Variants in GALNT10 observed in about 807,000 individuals in gnomAD.
GALNT10 encodes polypeptide N-acetylgalactosaminyltransferase 10.
In GALNT10, 41 loss-of-function variants were observed where a neutral mutation model predicts 75.0. That is an observed-to-expected ratio of 0.55 (90% confidence interval 0.43 to 0.71). GALNT10 has a LOEUF of 0.71. Ranked by LOEUF, GALNT10 falls within the 30% of genes least tolerant of loss-of-function variation. GALNT10 has a pLI of 0.00. For missense variants in GALNT10, 727 were observed against 818.5 expected, an observed-to-expected ratio of 0.89 and a Z score of 1.36; for synonymous variants, 302 against 313.0, an observed-to-expected ratio of 0.96 and a Z score of 0.37.
chr5:154,415,053 G>A (rs181828473), intron 10 of GALNT10, among the ~76,000 whole-genome samples: 2 of 152,278 alleles, frequency 1.3e-5, no homozygotes, highest in African/African-American at 4.8e-5. Flanking sequence ...AACCCAGGAG[G>A]TGGAGGTTGC....
At chr5:154,248,461 A>G (rs1753466087) in intron 1 of GALNT10, among the ~76,000 whole-genome samples, 1 of 152,104 alleles carries the variant, frequency 6.6e-6, no homozygotes, top group African/African-American at 2.4e-5. Flanking sequence ...TTGGTTGGTA[A>G]GCTATTAATT....
intron 4 of GALNT10, among the ~76,000 whole-genome samples, chr5:154,373,486 G>A (rs1247405877): frequency 1.3e-5 from 2 of 152,092 alleles, no homozygotes; most frequent in Non-Finnish European, 1.5e-5. Flanking sequence ...TGAGCAGCTC[G>A]TATCATCCAC....
At chr5:154,293,625 C>CTTTTTTTTTTTTTTTTTTTTTTTT (rs1320287927) in intron 1 of GALNT10, among the ~76,000 whole-genome samples, 3 of 128,076 alleles carry the variant, frequency 2.3e-5, no homozygotes, top group African/African-American at 3.1e-5. Context: ...TTTTTTTTTC[C>CTTTTTTTTTTTTTTTTTTTTTTTT]TTTCAGCCAT....
At chr5:154,223,444 A>G (rs758858512) in intron 1 of GALNT10, among the ~76,000 whole-genome samples, 1 of 152,212 alleles carries the variant, frequency 6.6e-6, no homozygotes. Flanking sequence ...TTGCCTCTCT[A>G]GTATAAGGTA....
intron 4 of GALNT10, among the ~76,000 whole-genome samples, chr5:154,347,417 G>A (rs1755145679): frequency 6.6e-6 from 1 of 151,282 alleles, no homozygotes; most frequent in Non-Finnish European, 1.5e-5. Context: ...AGGTTGAAGT[G>A]CAATGATGCA....
intron 1 of GALNT10, among the ~76,000 whole-genome samples, chr5:154,212,362 A>G (rs1317639307): frequency 6.6e-6 from 1 of 152,244 alleles, no homozygotes; most frequent in Admixed American, 6.5e-5. Flanking sequence ...CTACCATGAC[A>G]GGCACTGCGC....
chr5:154,244,715 G>A (rs763919002), intron 1 of GALNT10, among the ~76,000 whole-genome samples: 11 of 152,248 alleles, frequency 7.2e-5, no homozygotes, highest in Non-Finnish European at 1.3e-4. Context: ...GAGAAGCAAA[G>A]GCAGCAGCCA....
chr5:154,353,699 T>C (rs965506716), intron 4 of GALNT10, among the ~76,000 whole-genome samples: 1 of 152,224 alleles, frequency 6.6e-6, no homozygotes, highest in Non-Finnish European at 1.5e-5. Context: ...TGTGAGAGAA[T>C]AGGCAACAGG....
Position 154,341,848 on chromosome 5 carries a change from C to T in GALNT10, c.568+12110C>T, listed in dbSNP as rs972499575. The stretch of plus-strand genomic sequence containing the variant: ...CTTTAGGCTGCAGGGGGATGGAGAA[C>T]GTAGTCAGGATGCCAGCTGGGTCCT... On this transcript the variant is annotated intron_variant, in intron 4 of 11. Transcript: ENST00000297107. Among the ~76,000 whole-genome samples, 17 of 152,288 alleles carry T rather than the reference C, an allele frequency of 1.1e-4. No homozygotes were observed. The South Asian group carries it at 2.1e-3, about 19-fold the overall frequency.
chr5:154,256,366 T>TAA (rs1484433826), intron 1 of GALNT10, among the ~76,000 whole-genome samples: 1 of 150,784 alleles, frequency 6.6e-6, no homozygotes, highest in South Asian at 2.1e-4. Flanking sequence ...TTTTTTTTTT[T>TAA]AATATTGTGT....
intron 1 of GALNT10, among the ~76,000 whole-genome samples, chr5:154,273,764 T>C (rs938663669): frequency 1.3e-5 from 2 of 152,268 alleles, no homozygotes; most frequent in Non-Finnish European, 2.9e-5. Flanking sequence ...TTATAGGGTT[T>C]TTGGCATTTT....
intron 1 of GALNT10, among the ~76,000 whole-genome samples, chr5:154,269,985 C>T (rs945209290): frequency 2.7e-5 from 4 of 149,264 alleles, no homozygotes; most frequent in South Asian, 2.1e-4. Flanking sequence ...CCCACAACCT[C>T]GGGTCCAGAG....
intron 6 of GALNT10, among the ~76,000 whole-genome samples, chr5:154,381,839 A>T (rs6866057): frequency 0.15 from 22,798 of 151,852 alleles, 1,837 homozygotes; most frequent in East Asian, 0.25. Flanking sequence ...TCTCCTTCTG[A>T]CTCTGACTTT....
chr5:154,266,315 T>C (rs1753774191), intron 1 of GALNT10, among the ~76,000 whole-genome samples: 4 of 152,114 alleles, frequency 2.6e-5, no homozygotes, highest in Admixed American at 2.0e-4. Flanking sequence ...GGCACATGCA[T>C]TGAAACAAGA....
intron 1 of GALNT10, among the ~76,000 whole-genome samples, chr5:154,197,218 C>G (rs371476484): frequency 6.6e-6 from 1 of 152,158 alleles, no homozygotes; most frequent in Non-Finnish European, 1.5e-5. Context: ...CTTACTTACC[C>G]GTTCTGCCGC....
At chr5:154,267,624 T>C (rs1362913482) in intron 1 of GALNT10, among the ~76,000 whole-genome samples, 7 of 152,204 alleles carry the variant, frequency 4.6e-5, no homozygotes, top group African/African-American at 1.7e-4. Context: ...TGTGTAAGCC[T>C]GGCAGGATGT....
chr5:154,357,394 C>G (rs1755312467), intron 4 of GALNT10, among the ~76,000 whole-genome samples: 1 of 152,092 alleles, frequency 6.6e-6, no homozygotes, highest in South Asian at 2.1e-4. Flanking sequence ...TAATAGTGGT[C>G]TGGGTGGTAG....
At chr5:154,200,806 A>G (rs1187589001) in intron 1 of GALNT10, among the ~76,000 whole-genome samples, 1 of 152,178 alleles carries the variant, frequency 6.6e-6, no homozygotes, top group African/African-American at 2.4e-5. Context: ...GGAAGTTGCA[A>G]ACTGGTGGCC....
intron 1 of GALNT10, among the ~76,000 whole-genome samples, chr5:154,250,399 G>T (rs1753496800): frequency 6.6e-6 from 1 of 152,152 alleles, no homozygotes; most frequent in Admixed American, 6.6e-5. Flanking sequence ...ATGATATGGA[G>T]ATTCATTATT....
Sources: gnomAD v4.1 joint callset for allele counts (sites outside exome capture counted in the v4.1 genomes callset) on GRCh38, gnomAD v4.1.1 for gene constraint, MANE v1.5 for transcripts, NCBI Gene and HGNC (gene_info 2026-07-23, HGNC 2026-07-21) for gene names.